KLF8: variants seen among roughly 807,000 people sequenced by gnomAD.
KLF8 encodes Krueppel-like factor 8.
KLF8 carries 10 observed loss-of-function variants against 18.2 expected under a neutral mutation model. The ratio of observed to expected loss-of-function variants is 0.55; its 90% CI spans 0.34 to 0.93. The LOEUF (loss-of-function observed/expected upper bound fraction) is 0.93. Among genes scored for constraint, KLF8 ranks in the 40% least tolerant of loss-of-function variants. The pLI, the probability that KLF8 is intolerant of heterozygous loss-of-function variation, is 0.02. For synonymous variants in KLF8, 109 were observed against 97.3 expected (o/e 1.12, Z -0.71); for missense variants, 264 against 277.9 (o/e 0.95, Z 0.36).
chrX:55,953,826 A>T, the KLF8 span, among the ~76,000 whole-genome samples: 1 of 110,916 alleles, frequency 9.0e-6, no homozygotes, highest in Middle Eastern at 4.3e-3. Flanking sequence ...AAGAGCAAAA[A>T]CTATAAAATT....
chrX:56,030,784 C>T, the KLF8 span, among the ~76,000 whole-genome samples: 4 of 108,366 alleles, frequency 3.7e-5, no homozygotes, highest in South Asian at 1.7e-3. Flanking sequence ...TGCCATGAGT[C>T]TTTGGGCTCT....
the KLF8 span, among the ~76,000 whole-genome samples, chrX:55,988,306 G>A: frequency 1.8e-5 from 2 of 110,814 alleles, no homozygotes; most frequent in African/African-American, 6.6e-5. Flanking sequence ...TAATGCCTAG[G>A]TTTTCTTCTA....
chrX:55,960,276 G>A, the KLF8 span, among the ~76,000 whole-genome samples: 1 of 112,152 alleles, frequency 8.9e-6, no homozygotes, highest in Admixed American at 9.4e-5. Flanking sequence ...CAGCATTTTG[G>A]GAGGCTGAGG....
the KLF8 span, among the ~76,000 whole-genome samples, chrX:56,109,430 A>C: frequency 9.1e-6 from 1 of 110,438 alleles, no homozygotes; most frequent in Admixed American, 9.7e-5. Context: ...TATTCTGAAG[A>C]ATGTTCCATG....
the KLF8 span, among the ~76,000 whole-genome samples, chrX:56,172,376 G>A: frequency 7.2e-5 from 8 of 110,855 alleles, no homozygotes; most frequent in Middle Eastern, 4.6e-3. Context: ...TTGTCCTTGC[G>A]ATAGTTTACT....
the KLF8 span, among the ~76,000 whole-genome samples, chrX:55,973,605 A>G: frequency 8.9e-6 from 1 of 112,426 alleles, no homozygotes; most frequent in Non-Finnish European, 1.9e-5. Flanking sequence ...TCTCAACGTC[A>G]CTGATTATTA....
At chrX:56,075,422 A>G in the KLF8 span, among the ~76,000 whole-genome samples, 1 of 111,003 alleles carries the variant, frequency 9.0e-6, no homozygotes. Context: ...TATATGGCAC[A>G]TGAGATGTTT....
chrX:56,093,530 C>A, the KLF8 span, among the ~76,000 whole-genome samples: 5 of 109,902 alleles, frequency 4.5e-5, no homozygotes, highest in Admixed American at 9.7e-5. Context: ...TGCCAATAGA[C>A]CTGCCTTACA....
the KLF8 span, among the ~76,000 whole-genome samples, chrX:55,990,367 T>G: frequency 1.8e-5 from 2 of 112,461 alleles, no homozygotes; most frequent in Non-Finnish European, 3.8e-5. Context: ...TACACACTGC[T>G]TTGAATGTGT....
chrX:56,098,361 C>G, the KLF8 span, among the ~76,000 whole-genome samples: 1 of 111,382 alleles, frequency 9.0e-6, no homozygotes, highest in Non-Finnish European at 1.9e-5. Context: ...ATGTGATAAA[C>G]AAAGAAAAGG....
chrX:55,918,557 A>G, the KLF8 span, among the ~76,000 whole-genome samples: 2 of 112,611 alleles, frequency 1.8e-5, no homozygotes, highest in Non-Finnish European at 3.8e-5. Flanking sequence ...TCTTGAGGCT[A>G]GAAATCTGAA....
At chrX:56,269,287 C>T (rs186978672) in intron 3 of KLF8, 91 bp from the exon 4 acceptor site, 1 of 1,042,440 alleles carries the variant, frequency 9.6e-7, no homozygotes, top group African/African-American at 1.9e-5. Flanking sequence ...CTTGCTGCCA[C>T]TTCTTAAGGT....
the KLF8 span, among the ~76,000 whole-genome samples, chrX:56,025,234 G>T: frequency 8.9e-6 from 1 of 112,557 alleles, no homozygotes; most frequent in Non-Finnish European, 1.9e-5. Context: ...ATCATAGAAA[G>T]TCTGAAATAC....
the KLF8 span, among the ~76,000 whole-genome samples, chrX:56,148,991 C>T: frequency 8.9e-5 from 10 of 112,016 alleles, no homozygotes; most frequent in African/African-American, 3.2e-4. Context: ...GGCTTCATAG[C>T]CCATATAAAG....
chrX:56,043,255 T>C, the KLF8 span, among the ~76,000 whole-genome samples: 12 of 110,545 alleles, frequency 1.1e-4, no homozygotes, highest in Non-Finnish European at 2.3e-4. Flanking sequence ...TTTTTTTTTT[T>C]CATTATGACC....
chrX:55,958,271 A>T, the KLF8 span, among the ~76,000 whole-genome samples: 1 of 112,277 alleles, frequency 8.9e-6, no homozygotes, highest in South Asian at 3.7e-4. Flanking sequence ...ATTTCAGATG[A>T]TGCTATGAGA....
chrX:56,086,823 G>A, the KLF8 span, among the ~76,000 whole-genome samples: 1 of 111,019 alleles, frequency 9.0e-6, no homozygotes, highest in Non-Finnish European at 1.9e-5. Context: ...TTAATGTTCA[G>A]GCAATCAGCA....
chrX:56,213,849 T>C, the KLF8 span, among the ~76,000 whole-genome samples: 1 of 111,271 alleles, frequency 9.0e-6, no homozygotes, highest in Non-Finnish European at 1.9e-5. Flanking sequence ...AGGATCAGTG[T>C]GACAGGCTTC....
At chrX:56,037,985 C>T in the KLF8 span, among the ~76,000 whole-genome samples, 1 of 111,591 alleles carries the variant, frequency 9.0e-6, no homozygotes, top group Non-Finnish European at 1.9e-5. Flanking sequence ...CCCTCACTAT[C>T]CAACCCAGCC....
Sources: gnomAD v4.1 joint callset for allele counts (sites outside exome capture counted in the v4.1 genomes callset) on GRCh38, gnomAD v4.1.1 for gene constraint, MANE v1.5 for transcripts, NCBI Gene and HGNC (gene_info 2026-07-23, HGNC 2026-07-21) for gene names.